Variants in FAT3 observed in about 807,000 individuals in gnomAD.
FAT3 encodes the protein protocadherin Fat 3.
A neutral mutation model predicts 310.2 loss-of-function variants in FAT3; 95 were observed. That is an observed-to-expected ratio of 0.31 (90% CI 0.26 to 0.36). The LOEUF is 0.36. Among genes scored for constraint, FAT3 ranks in the 10% least tolerant of loss-of-function variants. FAT3 has a pLI of 1.00. For synonymous variants in FAT3, 2,314 were observed against 2,192.9 expected (o/e 1.06, Z -1.54); for missense variants, 5,408 against 5,715.6 (o/e 0.95, Z 1.74).
chr11:92,549,810 G>GT (rs1347725435), intron 3 of FAT3, among the ~76,000 whole-genome samples: 5 of 152,048 alleles, frequency 3.3e-5, no homozygotes, highest in African/African-American at 1.2e-4. Flanking sequence ...TCAAGATCCT[G>GT]TTTTTTTGTA....
At chr11:92,774,817 G>A (rs865939879) in intron 7 of FAT3, among the ~76,000 whole-genome samples, 10 of 152,110 alleles carry the variant, frequency 6.6e-5, no homozygotes, top group Non-Finnish European at 1.2e-4. Flanking sequence ...AGCCAGGGTC[G>A]AGGACCGCTC....
intron 3 of FAT3, among the ~76,000 whole-genome samples, chr11:92,529,746 A>G (rs575038156): frequency 1.4e-4 from 21 of 152,280 alleles, no homozygotes; most frequent in African/African-American, 4.8e-4. Flanking sequence ...AGATCTTTCA[A>G]TGGTTCACTG....
chr11:92,337,833 A>T (rs564500167), intron 1 of FAT3, among the ~76,000 whole-genome samples: 4 of 152,328 alleles, frequency 2.6e-5, no homozygotes, highest in South Asian at 2.1e-4. Flanking sequence ...TTCCTTATTA[A>T]TATCATTTAC....
At chr11:92,572,848 C>T (rs867909398) in intron 3 of FAT3, among the ~76,000 whole-genome samples, 5 of 152,132 alleles carry the variant, frequency 3.3e-5, no homozygotes, top group Non-Finnish European at 7.3e-5. Context: ...TGAAAACATG[C>T]AGTAGCTTGC....
At chr11:92,747,344 G>T (rs1945700439) in intron 4 of FAT3, among the ~76,000 whole-genome samples, 2 of 152,200 alleles carry the variant, frequency 1.3e-5, no homozygotes, top group Admixed American at 1.3e-4. Context: ...CTGTATGTTG[G>T]CCCCTTTTAG....
chr11:92,872,242 A>G (rs867526178), intron 22 of FAT3, among the ~76,000 whole-genome samples: 7 of 152,240 alleles, frequency 4.6e-5, no homozygotes, highest in Non-Finnish European at 7.3e-5. Context: ...TTAGTCCATC[A>G]AACTTTAATT....
chr11:92,412,134 C>T (rs753946311), intron 2 of FAT3, among the ~76,000 whole-genome samples: 1 of 151,980 alleles, frequency 6.6e-6, no homozygotes, highest in African/African-American at 2.4e-5. Context: ...GATGGAGTCT[C>T]GCTCTGTCGC....
At chr11:92,837,457 T>A (rs955353399) in intron 16 of FAT3, among the ~76,000 whole-genome samples, 1 of 152,144 alleles carries the variant, frequency 6.6e-6, no homozygotes, top group Non-Finnish European at 1.5e-5. Flanking sequence ...CTGTTAAACA[T>A]CCTAAAATGC....
At chr11:92,268,304 C>A (rs1236034886) in intron 1 of FAT3, among the ~76,000 whole-genome samples, 1 of 152,010 alleles carries the variant, frequency 6.6e-6, no homozygotes, top group Non-Finnish European at 1.5e-5. Flanking sequence ...ATGCCCATAC[C>A]TTTTCCACTA....
At chr11:92,609,525 A>G (rs1205316326) in intron 3 of FAT3, among the ~76,000 whole-genome samples, 1 of 152,246 alleles carries the variant, frequency 6.6e-6, no homozygotes, top group Non-Finnish European at 1.5e-5. Context: ...ATGAAAAACA[A>G]GTATACCAAA....
At chr11:92,726,710 G>A (rs1275660788) in intron 4 of FAT3, among the ~76,000 whole-genome samples, 1 of 151,534 alleles carries the variant, frequency 6.6e-6, no homozygotes, top group Non-Finnish European at 1.5e-5. Context: ...CTTAAAAACA[G>A]CTAAAGAAAT....
rs911543053 is a variant in FAT3 at position 92,892,352 on chromosome 11, C to T, written c.*1239C>T. The T allele has an allele frequency of 1.3e-5, 2 of 152,030 alleles. No homozygotes were observed. Among genetic ancestry groups the T allele is most frequent in the Admixed American group, 6.6e-5 (1 of 15,264 alleles). 9.4% of individuals were successfully genotyped at this position (152,030 alleles called of 1,614,324 possible). A position where few individuals can be genotyped will look rare whatever the true frequency, so the allele number is the denominator to read the frequency against. On this transcript the variant is annotated 3_prime_UTR_variant, in exon 28 of 28. Coordinates refer to ENST00000525166, the MANE Select transcript of FAT3 (RefSeq NM_001367949.2). The stretch of plus-strand genomic sequence containing the variant: ...TATGGTGTTAGAGAAACATCAAATG[C>T]CATATTTTACTCTGGTTCAGTTAAC...
At position 92,632,073 on chromosome 11, in the gene FAT3, C is replaced by T. The variant is rs911650988; in HGVS notation, c.3608-65311C>T. Among the ~76,000 whole-genome samples the T allele has an allele frequency of 9.2e-5, 14 of 152,270 alleles. 1 individual carries two copies. The highest frequency in any genetic ancestry group is 3.4e-4 in the African/African-American group (14 of 41,546). On this transcript the variant is annotated intron_variant, in intron 3 of 27. Coordinates refer to ENST00000525166, the MANE Select transcript of FAT3 (RefSeq NM_001367949.2). ...GGTAACATTTGGAAGTCTGTGTTTACAGTTACTGTTTTAAGGATTATATTT... is the reference window on the plus strand; with the variant it reads ...GGTAACATTTGGAAGTCTGTGTTTATAGTTACTGTTTTAAGGATTATATTT...
intron 1 of FAT3, among the ~76,000 whole-genome samples, chr11:92,228,450 A>G (rs1864017160): frequency 6.6e-6 from 1 of 152,174 alleles, no homozygotes; most frequent in African/African-American, 2.4e-5. Flanking sequence ...TTGCTAGCCC[A>G]CAGCCTTTGT....
chr11:92,844,721 G>T lies in FAT3; in HGVS notation c.11354G>T (p.Cys3785Phe). 6.5e-7 allele frequency: 1 copy of T among 1,536,164 alleles called. No homozygotes were observed. The highest frequency in any genetic ancestry group is 8.8e-7 in the Non-Finnish European group (1 of 1,134,310). ...CCGCGTTTCTACAGGAACGTGCGTT[G>T]CACCTGCAATGGTGAGTGCAGTTTT... ...VCPRFYRNVRCTCNGGLCPGS... is the reference protein window; with the variant it reads ...VCPRFYRNVRFTCNGGLCPGS... The change falls in exon 19 of 28, where the codon TGC (cysteine) becomes TTC (phenylalanine). Residue 3785 changes from cysteine to phenylalanine, a missense_variant. By Grantham distance (205) the Cys-to-Phe change is radical. Around this residue, in one of 5 missense-constraint regions of FAT3, gnomAD observed 4,588 missense variants for 4,809.8 expected, o/e 0.95. Transcript: ENST00000525166.
In FAT3 at chr11:92,536,894, T is replaced by C. The variant is rs79977907; in HGVS notation, c.3607+11946T>C. Among the ~76,000 whole-genome samples, 7 of 152,298 alleles carry C rather than the reference T, an allele frequency of 4.6e-5. No homozygotes were observed. The East Asian group carries it at 1.4e-3, about 29-fold the overall frequency. On this transcript the variant is annotated intron_variant, in intron 3 of 27. Coordinates refer to ENST00000525166, the MANE Select transcript of FAT3 (RefSeq NM_001367949.2). ...CCAAGAGTAAAATTATATGACACCT[T>C]GGAAAGTTCACTGGTAGTCATAGCT...
chr11:92,302,692 C>T (rs1947030352), intron 1 of FAT3, among the ~76,000 whole-genome samples: 1 of 151,920 alleles, frequency 6.6e-6, no homozygotes. Context: ...CATAGTCCTA[C>T]TTTGAATGAG....
chr11:92,368,822 T>A (rs1949090773), intron 2 of FAT3, among the ~76,000 whole-genome samples: 1 of 120,272 alleles, frequency 8.3e-6, no homozygotes, highest in South Asian at 2.4e-4. Flanking sequence ...AACAGTATGT[T>A]TGTGTGTATA....
At chr11:92,644,763 C>T (rs1293851668) in intron 3 of FAT3, among the ~76,000 whole-genome samples, 1 of 152,194 alleles carries the variant, frequency 6.6e-6, no homozygotes, top group African/African-American at 2.4e-5. Context: ...AGGTATTGCA[C>T]TTTGGGGGCA....
Sources: allele counts gnomAD v4.1 joint callset (sites outside exome capture counted in the v4.1 genomes callset), GRCh38; gene constraint gnomAD v4.1.1; regional missense constraint gnomAD v4.1.1; transcripts MANE v1.5; gene names NCBI Gene and HGNC (gene_info 2026-07-23, HGNC 2026-07-21).